Variants in ST14 observed in about 807,000 individuals in gnomAD.
ST14 encodes suppressor of tumorigenicity 14 protein.
A neutral mutation model predicts 96.5 loss-of-function variants in ST14; 40 were observed. That is an observed-to-expected ratio of 0.41 (90% CI 0.32 to 0.54). The LOEUF (loss-of-function observed/expected upper bound fraction) is 0.54. ST14 is among the 20% of genes least tolerant of loss of function. The pLI, the probability that ST14 is intolerant of heterozygous loss-of-function variation, is 0.17. For synonymous variants in ST14, 506 were observed against 492.1 expected, an observed-to-expected ratio of 1.03 and a Z score of -0.37; for missense variants, 1,066 against 1,188.9, an observed-to-expected ratio of 0.90 and a Z score of 1.52.
intron 1 of ST14, among the ~76,000 whole-genome samples, chr11:130,161,955 C>T (rs1364189291): frequency 6.6e-6 from 1 of 152,188 alleles, no homozygotes; most frequent in African/African-American, 2.4e-5. Context: ...CCATGTCTTG[C>T]AGATTCCTCC....
In ST14 at chr11:130,208,599, G is replaced by A. The variant is rs1304854511; in HGVS notation, c.2184G>A (p.Arg728=). The A allele has an allele frequency of 2.5e-6, 4 of 1,614,114 alleles. No individual in the cohort carries two copies. The highest frequency in any genetic ancestry group is 1.3e-5 in the African/African-American group (1 of 75,062). Residue 728 remains arginine (R), a synonymous_variant, in exon 17 of 19, where the codon CGG becomes CGA. Transcript: ENST00000278742. The part of the protein sequence containing the change: ...EKPAEYSSMV[R]PICLPDASHV... ...CGGCAGAGTACAGCTCCATGGTGCG[G>A]CCCATCTGCCTGCCGGACGCCTCCC...
At position 130,190,482 on chromosome 11, in the gene ST14, C is replaced by A. The variant is rs373867876; in HGVS notation, c.663C>A (p.Arg221=). 1.9e-6 allele frequency: 3 copies of A among 1,607,922 alleles called. No homozygotes were observed. The highest frequency in any genetic ancestry group is 2.2e-5 in the East Asian group (1 of 44,878). ...GCTGCAGCTTTGGCCTGCACGCCCG[C>A]GGTGTGGAGCTGATGCGCTTCACCA... ...DNSCSFGLHA[R]GVELMRFTTP... The change falls in exon 7 of 19, where the codon CGC becomes CGA. Residue 221 remains arginine, a synonymous_variant. Coordinates refer to ENST00000278742, the MANE Select transcript of ST14 (RefSeq NM_021978.4).
chr11:130,159,818 GGA>G lies in ST14; in HGVS notation c.-154_-153del, dbSNP rs1018270457. On this transcript the variant is annotated 5_prime_UTR_variant, in exon 1 of 19. Coordinates refer to ENST00000278742, the MANE Select transcript of ST14 (RefSeq NM_021978.4). ...GCTGCAGCCGGAGAAAGAGGAAGAG[GGA>G]GAGAGAGCGCGCCAGGGCGAGGGCA... 5.4e-5 allele frequency: 12 copies of G among 221,828 alleles called. No homozygotes were observed. The highest frequency in any genetic ancestry group is 9.5e-5 in the Non-Finnish European group (11 of 115,676). 13.7% of individuals were successfully genotyped at this position (221,828 alleles called of 1,614,324 possible).
At chr11:130,197,528 C>G (rs1368292810) in intron 11 of ST14, among the ~76,000 whole-genome samples, 3 of 152,174 alleles carry the variant, frequency 2.0e-5, no homozygotes, top group African/African-American at 7.2e-5. Context: ...CAGGGCAGGG[C>G]AGGGCAGGGC....
At chr11:130,179,068 C>T (rs1404024101) in intron 1 of ST14, among the ~76,000 whole-genome samples, 1 of 152,198 alleles carries the variant, frequency 6.6e-6, no homozygotes, top group Admixed American at 6.5e-5. Context: ...AGACTCTAAG[C>T]CAGCTTCTCC....
In ST14 at chr11:130,196,477, G is replaced by A. The variant is rs858713; in HGVS notation, c.1223+29G>A. On this transcript the variant is annotated intron_variant, in intron 10 of 18. Coordinates refer to ENST00000278742, the MANE Select transcript of ST14 (RefSeq NM_021978.4). Reference sequence around the variant, plus strand: ...AGTCCCCGGGGGTATGGGGGCTGCCGGGCCCATGCTGCAGGGGGAGGGGTC... The same window carrying A: ...AGTCCCCGGGGGTATGGGGGCTGCCAGGCCCATGCTGCAGGGGGAGGGGTC... The A allele has an allele frequency of 0.85, 1,355,816 of 1,594,316 alleles. 577,421 individuals carry two copies. The highest frequency in any genetic ancestry group is 0.94 in the East Asian group (41,596 of 44,112).
At chr11:130,206,770 G>A (rs1953494162) in intron 16 of ST14, among the ~76,000 whole-genome samples, 1 of 152,032 alleles carries the variant, frequency 6.6e-6, no homozygotes, top group Admixed American at 6.5e-5. Context: ...GTTTCACCAT[G>A]CTGGCCAGGC....
At chr11:130,203,217 T>C (rs934326374) in intron 16 of ST14, among the ~76,000 whole-genome samples, 5 of 152,094 alleles carry the variant, frequency 3.3e-5, no homozygotes, top group South Asian at 2.1e-4. Flanking sequence ...ATGCTGAGTG[T>C]TGGGGTCACG....
At chr11:130,189,649 C>T (rs769598691) in intron 4 of ST14, 90 bp from the exon 5 acceptor site, 37 of 1,558,114 alleles carry the variant, frequency 2.4e-5, no homozygotes, top group Middle Eastern at 1.7e-4. Context: ...AGGTGTGCCC[C>T]GAGCCGCCCA....
At chr11:130,196,827 C>T in intron 11 of ST14, 127 bp downstream of exon 11, 1 of 1,431,512 alleles carries the variant, frequency 7.0e-7, no homozygotes. Flanking sequence ...CATCTCACCC[C>T]TCCCGTAGCT....
At chr11:130,201,153 G>A (rs1334008779) in intron 16 of ST14, among the ~76,000 whole-genome samples, 1 of 152,236 alleles carries the variant, frequency 6.6e-6, no homozygotes, top group Non-Finnish European at 1.5e-5. Context: ...GGCCTGGAAG[G>A]GTCACATGGG....
chr11:130,194,438 C>A, intron 8 of ST14, 150 bp downstream of exon 8: 3 of 1,340,368 alleles, frequency 2.2e-6, no homozygotes, highest in Non-Finnish European at 3.1e-6. Flanking sequence ...AAGCTTGAGC[C>A]AAAGGCATCT....
Position 130,209,704 on chromosome 11 carries a change from C to T in ST14, c.2449C>T (p.Arg817Trp). 6.2e-7 allele frequency: 1 copy of T among 1,613,732 alleles called. No homozygotes were observed. The highest frequency in any genetic ancestry group is 8.5e-7 in the Non-Finnish European group (1 of 1,179,990). The change falls in exon 19 of 19, where the codon CGG (arginine) becomes TGG (tryptophan). Residue 817 changes from arginine to tryptophan, a missense_variant. Transcript: ENST00000278742. ...CCTGTCCAGCGTGGAGGCGGATGGGCGGATCTTCCAGGCCGGTGTGGTGAG... is the reference window on the plus strand; with the variant it reads ...CCTGTCCAGCGTGGAGGCGGATGGGTGGATCTTCCAGGCCGGTGTGGTGAG... ...GPLSSVEADG[R>W]IFQAGVVSWG...
chr11:130,171,412 A>G (rs1953091486), intron 1 of ST14, among the ~76,000 whole-genome samples: 1 of 152,220 alleles, frequency 6.6e-6, no homozygotes, highest in Non-Finnish European at 1.5e-5. Flanking sequence ...TTGTTCCCAC[A>G]TCTTGGCTTC....
At chr11:130,179,250 T>A (rs541957094) in intron 1 of ST14, among the ~76,000 whole-genome samples, 1 of 152,340 alleles carries the variant, frequency 6.6e-6, no homozygotes, top group African/African-American at 2.4e-5. Flanking sequence ...AATCTGGATG[T>A]GGAACAAACA....
Position 130,188,240 on chromosome 11 carries a change from C to T in ST14, c.208C>T (p.Leu70=), listed in dbSNP as rs1185748051. 1 of 1,614,020 alleles carries T rather than the reference C, an allele frequency of 6.2e-7. No homozygotes were observed. ...GCTGATCGGCCTCCTCTTGGTCTTG[C>T]TGGGGATCGGCTTCCTGGTGTGGCA... ...AVLIGLLLVL[L]GIGFLVWHLQ... The change falls in exon 2 of 19, where the codon CTG becomes TTG. Residue 70 remains leucine (L), a synonymous_variant. Coordinates refer to ENST00000278742, the MANE Select transcript of ST14 (RefSeq NM_021978.4). The surrounding 1 kb of genome is among the most constrained non-coding windows in gnomAD (Gnocchi z 5.4).
Position 130,209,935 on chromosome 11 carries a change from A to G in ST14, c.*112A>G, listed in dbSNP as rs1953534855. 3 of 1,313,078 alleles carry G rather than the reference A, an allele frequency of 2.3e-6. No homozygotes were observed. The highest frequency in any genetic ancestry group is 2.9e-5 in the African/African-American group (2 of 68,894). 81.3% of individuals were successfully genotyped at this position (1,313,078 alleles called of 1,614,324 possible). A position where few individuals can be genotyped will look rare whatever the true frequency, so the allele number is the denominator to read the frequency against. On this transcript the variant is annotated 3_prime_UTR_variant, in exon 19 of 19. Coordinates refer to ENST00000278742, the MANE Select transcript of ST14 (RefSeq NM_021978.4). ...CTGACTGCACCAGCGCCCCCAGAAC[A>G]TACACTGTGAACTCAATCTCCAGGG...
At chr11:130,170,846 G>T (rs1171172271) in intron 1 of ST14, among the ~76,000 whole-genome samples, 1 of 152,066 alleles carries the variant, frequency 6.6e-6, no homozygotes, top group Non-Finnish European at 1.5e-5. Context: ...GAGTTTTGCA[G>T]AGTGTTCCTT....
rs376825166 is a variant in ST14 at position 130,188,101 on chromosome 11, T to C, written c.82-13T>C. The C allele has an allele frequency of 6.2e-7, 1 of 1,613,666 alleles. No homozygotes were observed. The highest frequency in any genetic ancestry group is 8.5e-7 in the Non-Finnish European group (1 of 1,179,904). ...GTGAGAGGGTCTGAGTGGTGGCGCC[T>C]CTCTCCCTGCAGAAAGTGAATGGCT... On this transcript the variant is annotated splice_polypyrimidine_tract_variant and intron_variant, in intron 1 of 18. Transcript: ENST00000278742. This position sits in a 1 kb window ranked among gnomAD's most constrained non-coding sequence, Gnocchi z 5.4.
Sources: allele counts gnomAD v4.1 joint callset (sites outside exome capture counted in the v4.1 genomes callset), GRCh38; gene constraint gnomAD v4.1.1; non-coding constraint Gnocchi (gnomAD v3.1); transcripts MANE v1.5; gene names NCBI Gene and HGNC (gene_info 2026-07-23, HGNC 2026-07-21).